EML6: variants seen among roughly 807,000 people sequenced by gnomAD.
EML6 encodes EMAP like 6.
Under a neutral mutation model 240.1 loss-of-function variants are expected in EML6, and 154 were observed. The observed-to-expected ratio is 0.64, with a 90% CI of 0.56 to 0.73. The LOEUF is 0.73. EML6 is among the 30% of genes least tolerant of loss of function. EML6 has a pLI of 0.00. For missense variants in EML6, 2,964 were observed against 2,474.6 expected, an observed-to-expected ratio of 1.20 and a Z score of -4.20; for synonymous variants, 1,148 against 899.0, an observed-to-expected ratio of 1.28 and a Z score of -4.95.
intron 2 of EML6, 60 bp from the exon 3 acceptor site, chr2:54,813,172 A>G: frequency 1.6e-6 from 2 of 1,218,746 alleles, no homozygotes; most frequent in Non-Finnish European, 2.3e-6. Context: ...AGATTTGGAT[A>G]AAAGGTGATC....
rs1398182742 is a variant in EML6 at position 54,725,271 on chromosome 2, C to T, written c.197+13C>T. The T allele has an allele frequency of 2.2e-6, 3 of 1,394,868 alleles. No individual in the cohort carries two copies. 86.4% of individuals were successfully genotyped at this position (1,394,868 alleles called of 1,614,324 possible). On this transcript the variant is annotated intron_variant, in intron 2 of 41. Coordinates refer to ENST00000356458, the MANE Select transcript of EML6 (RefSeq NM_001039753.4). This position sits in a 1 kb window ranked among gnomAD's most constrained non-coding sequence, Gnocchi z 4.3. The stretch of plus-strand genomic sequence containing the variant: ...ACGACATTATCAGGTAAGGGGGTGG[C>T]CAGGGGCGGCGGGGAGGGGTTGCGT...
chr2:54,925,354 C>T (rs76470962), intron 26 of EML6, among the ~76,000 whole-genome samples: 1 of 152,314 alleles, frequency 6.6e-6, no homozygotes, highest in East Asian at 1.9e-4. Context: ...CAGCCTAGGG[C>T]ATTTTGTTAT....
At chr2:54,809,705 C>A (rs965204416) in intron 2 of EML6, among the ~76,000 whole-genome samples, 5 of 152,120 alleles carry the variant, frequency 3.3e-5, no homozygotes, top group African/African-American at 1.2e-4. Context: ...TAAATAAATA[C>A]TTATTAAATA....
chr2:54,946,885 G>A (rs1286515735), intron 28 of EML6, among the ~76,000 whole-genome samples: 1 of 151,784 alleles, frequency 6.6e-6, no homozygotes, highest in Non-Finnish European at 1.5e-5. Context: ...AAGAAACATT[G>A]AGATTGCTTT....
intron 34 of EML6, among the ~76,000 whole-genome samples, chr2:54,959,532 T>G (rs1319718708): frequency 6.6e-6 from 1 of 152,024 alleles, no homozygotes; most frequent in Non-Finnish European, 1.5e-5. Flanking sequence ...GAGGCCAAGG[T>G]GGGCAGATCA....
chr2:54,775,719 A>G (rs958683491), intron 2 of EML6, among the ~76,000 whole-genome samples: 5 of 152,150 alleles, frequency 3.3e-5, no homozygotes, highest in Admixed American at 6.5e-5. Flanking sequence ...GCACTCCACA[A>G]ATTTTTGCAA....
chr2:54,864,383 TG>T (rs984437580), intron 13 of EML6, among the ~76,000 whole-genome samples: 39 of 152,334 alleles, frequency 2.6e-4, no homozygotes, highest in African/African-American at 8.2e-4. Flanking sequence ...AAATAAAATG[TG>T]TATTAATCTC....
At chr2:54,964,484 G>A in intron 37 of EML6, 87 bp from the exon 38 acceptor site, 1 of 1,287,796 alleles carries the variant, frequency 7.8e-7, no homozygotes, top group Non-Finnish European at 1.1e-6. Context: ...CTTTAGGCCT[G>A]GAAGGCCTGT....
chr2:54,766,162 A>G (rs1174819174), intron 2 of EML6, among the ~76,000 whole-genome samples: 3 of 152,252 alleles, frequency 2.0e-5, no homozygotes, highest in African/African-American at 7.2e-5. Context: ...TACTAAAAAC[A>G]AGGACTTCTT....
chr2:54,784,289 T>C (rs1668981123), intron 2 of EML6, among the ~76,000 whole-genome samples: 1 of 152,190 alleles, frequency 6.6e-6, no homozygotes, highest in Non-Finnish European at 1.5e-5. Flanking sequence ...TTGTAAATTT[T>C]TAAATCAATT....
intron 2 of EML6, among the ~76,000 whole-genome samples, chr2:54,736,561 C>T (rs1683401335): frequency 6.6e-6 from 1 of 152,226 alleles, no homozygotes; most frequent in African/African-American, 2.4e-5. Flanking sequence ...CTTTATCTCT[C>T]ATTCACTTTT....
rs773100562 is a variant in EML6, at chr2:54,725,031, G to T, written c.-31G>T. ...CGGCGAGGACGGCCCCGGCGCGCGG[G>T]GGGGCGGGGGGCGCGCGGGGTCGGC... On this transcript the variant is annotated 5_prime_UTR_variant, in exon 2 of 42. Transcript: ENST00000356458. The surrounding 1 kb of genome is among the most constrained non-coding windows in gnomAD (Gnocchi z 4.3). The T allele has an allele frequency of 1.7e-5, 25 of 1,476,246 alleles. No homozygotes were observed. Among genetic ancestry groups the T allele is most frequent in the Middle Eastern group, 2.4e-4 (1 of 4,184 alleles). The allele number at this position is 1,476,246 out of a possible 1,614,324, so 91.4% of individuals were successfully genotyped here.
chr2:54,799,178 A>G (rs1003803256), intron 2 of EML6, among the ~76,000 whole-genome samples: 1 of 152,158 alleles, frequency 6.6e-6, no homozygotes, highest in Admixed American at 6.5e-5. Flanking sequence ...CTCTTGCCTC[A>G]GCCTACCTAG....
At chr2:54,846,080 T>C (rs941180041) in intron 8 of EML6, among the ~76,000 whole-genome samples, 6 of 152,272 alleles carry the variant, frequency 3.9e-5, no homozygotes, top group African/African-American at 1.4e-4. Flanking sequence ...CTGAAAGCTT[T>C]GTTTGAGCTG....
chr2:54,908,109 C>T (rs980623601), intron 24 of EML6, among the ~76,000 whole-genome samples: 2 of 152,124 alleles, frequency 1.3e-5, no homozygotes, highest in Admixed American at 1.3e-4. Flanking sequence ...AAAAAATACC[C>T]TTAATTATTC....
At chr2:54,764,449 G>A (rs527432517) in intron 2 of EML6, among the ~76,000 whole-genome samples, 2 of 152,260 alleles carry the variant, frequency 1.3e-5, no homozygotes, top group South Asian at 2.1e-4. Flanking sequence ...CCTATTGCTC[G>A]TGAAACCTGG....
intron 2 of EML6, among the ~76,000 whole-genome samples, chr2:54,752,518 A>G (rs1684222237): frequency 6.6e-6 from 1 of 152,150 alleles, no homozygotes; most frequent in Non-Finnish European, 1.5e-5. Flanking sequence ...GTTTTGCCTG[A>G]TATTGAACTT....
At chr2:54,746,672 A>T (rs1202400327) in intron 2 of EML6, among the ~76,000 whole-genome samples, 1 of 152,070 alleles carries the variant, frequency 6.6e-6, no homozygotes, top group Non-Finnish European at 1.5e-5. Context: ...TCTTTAAGCG[A>T]CTTTTTTGTT....
chr2:54,853,129 C>T (rs1670180802), intron 10 of EML6, among the ~76,000 whole-genome samples: 1 of 152,060 alleles, frequency 6.6e-6, no homozygotes, highest in South Asian at 2.1e-4. Context: ...TCTGAGCATC[C>T]TTAAATTATG....
Sources: allele counts gnomAD v4.1 joint callset (sites outside exome capture counted in the v4.1 genomes callset), GRCh38; gene constraint gnomAD v4.1.1; non-coding constraint Gnocchi (gnomAD v3.1); transcripts MANE v1.5; gene names NCBI Gene and HGNC (gene_info 2026-07-23, HGNC 2026-07-21).